POFUT1: variants seen among roughly 807,000 people sequenced by gnomAD.
The protein encoded by POFUT1 is protein O-fucosyltransferase 1.
Under a neutral mutation model 42.4 loss-of-function variants are expected in POFUT1, and 16 were observed. The observed-to-expected ratio is 0.38, with a 90% CI of 0.26 to 0.57. POFUT1 has a LOEUF of 0.57. Ranked by LOEUF, POFUT1 falls within the 20% of genes least tolerant of loss-of-function variation. The pLI is 0.71. For synonymous variants in POFUT1, 206 were observed against 205.4 expected, an observed-to-expected ratio of 1.00 and a Z score of -0.03; for missense variants, 470 against 504.6, an observed-to-expected ratio of 0.93 and a Z score of 0.66.
At chr20:32,219,323 G>A (rs1471948564) in intron 4 of POFUT1, among the ~76,000 whole-genome samples, 1 of 152,156 alleles carries the variant, frequency 6.6e-6, no homozygotes, top group Non-Finnish European at 1.5e-5. Context: ...TTGTGTCAGA[G>A]TTAGAGGAAA....
intron 5 of POFUT1, among the ~76,000 whole-genome samples, chr20:32,229,844 A>G (rs1279727908): frequency 4.0e-5 from 6 of 150,730 alleles, no homozygotes; most frequent in Admixed American, 1.3e-4. Context: ...GCAAAATCAC[A>G]GTTCACCGCA....
In POFUT1 at chr20:32,228,470, CCT is replaced by C. The variant is rs781440448; in HGVS notation, c.735+21_735+22del. ...GCTCTGACTGGGTAACTTCCCCCTT[CCT>C]CTCTCACTGGCTAACTTGGATGTGT... On this transcript the variant is annotated intron_variant, in intron 5 of 6. Transcript: ENST00000375749. 20 of 1,610,204 alleles carry C rather than the reference CCT, an allele frequency of 1.2e-5. No homozygotes were observed. The East Asian group carries it at 2.7e-4, about 22-fold the overall frequency.
chr20:32,216,718 A>G lies in POFUT1; in HGVS notation c.539A>G (p.Gln180Arg), dbSNP rs1476885655. The change falls in exon 4 of 7, where the codon CAG becomes CGG. Residue 180 changes from glutamine (Q) to arginine (R), a missense_variant. Coordinates refer to ENST00000375749, the MANE Select transcript of POFUT1 (RefSeq NM_015352.2). ...GCTTCCTACAGAGAACAATGGAGCC[A>G]GAGGTACTTGGAGGGGGTAGCGTTT... ...FSASYREQWS[Q>R]RFSPKEHPVL... The G allele has an allele frequency of 6.2e-7, 1 of 1,604,230 alleles. No homozygotes were observed. Among genetic ancestry groups the G allele is most frequent in the African/African-American group, 1.3e-5 (1 of 74,724 alleles).
In POFUT1 at chr20:32,222,611, A is replaced by G. The variant is rs185571895; in HGVS notation, c.543-5652A>G. 5.3e-4 allele frequency: 521 copies of G among 985,392 alleles called. 1 individual carries two copies. The highest frequency in any genetic ancestry group is 2.0e-3 in the South Asian group (43 of 21,280). The allele number at this position is 985,392 out of a possible 1,614,324, so 61.0% of individuals were successfully genotyped here. ...ACCTCGCCCGGGGTATGTTTGGCTGATAAGAAGTGTCTTTATTTTAGGCTG... is the reference window on the plus strand; with the variant it reads ...ACCTCGCCCGGGGTATGTTTGGCTGGTAAGAAGTGTCTTTATTTTAGGCTG... On this transcript the variant is annotated intron_variant, in intron 4 of 6. Transcript: ENST00000375749.
At chr20:32,213,405 G>A (rs1362199920) in intron 2 of POFUT1, among the ~76,000 whole-genome samples, 1 of 150,368 alleles carries the variant, frequency 6.7e-6, no homozygotes, top group Admixed American at 6.6e-5. Flanking sequence ...GCAGTGAGCC[G>A]AGATCGCGCC....
intron 4 of POFUT1, chr20:32,217,589 G>A: frequency 1.9e-5 from 19 of 986,184 alleles, no homozygotes; most frequent in Non-Finnish European, 2.2e-5. Context: ...TCCAGCCCAG[G>A]TTACAGAGCA....
At position 32,237,740 on chromosome 20, in the gene POFUT1, GAGAA is replaced by G. The variant is rs2047479128; in HGVS notation, c.*3082_*3085del. Reference sequence around the variant, plus strand: ...TGGCCAGTGCTGAGGAGGTTGGAGAGAGAAAGGGTGAAAGCAGAGAGACCAGTGC... The same window carrying G: ...TGGCCAGTGCTGAGGAGGTTGGAGAGAGGGTGAAAGCAGAGAGACCAGTGC... On this transcript the variant is annotated 3_prime_UTR_variant, in exon 7 of 7. Transcript: ENST00000375749. 1 of 533,264 alleles carries G rather than the reference GAGAA, an allele frequency of 1.9e-6. No homozygotes were observed. The highest frequency in any genetic ancestry group is 1.9e-5 in the African/African-American group (1 of 51,924). The allele number at this position is 533,264 out of a possible 1,614,324, so 33.0% of individuals were successfully genotyped here. A position where few individuals can be genotyped will look rare whatever the true frequency, so the allele number is the denominator to read the frequency against.
intron 4 of POFUT1, 50 bp downstream of exon 4, chr20:32,216,771 C>A (rs1235608039): frequency 1.4e-6 from 2 of 1,408,656 alleles, no homozygotes; most frequent in African/African-American, 2.8e-5. Flanking sequence ...GCATGGAGCT[C>A]ATGAGCATTC....
chr20:32,234,640 T>TA lies in POFUT1; in HGVS notation c.1148dup (p.Leu384AlafsTer106). 4 of 1,611,100 alleles carry TA rather than the reference T, an allele frequency of 2.5e-6. No individual in the cohort carries two copies. The highest frequency in any genetic ancestry group is 3.4e-6 in the Non-Finnish European group (4 of 1,178,338). ...CTTTCTTCGGCATGGACAGGCCCCCTAAGCTGCGGGACGAGTTCTGATTCT... is the reference window on the plus strand; with the variant it reads ...CTTTCTTCGGCATGGACAGGCCCCCTAAAGCTGCGGGACGAGTTCTGATTCT... On this transcript the variant is annotated frameshift_variant, in exon 7 of 7. Transcript: ENST00000375749. LOFTEE classifies it high-confidence loss of function.
chr20:32,230,972 T>A lies in POFUT1; in HGVS notation c.889T>A (p.Trp297Arg), dbSNP rs1280351316. Residue 297 changes from tryptophan to arginine, a missense_variant, in exon 6 of 7, where the codon TGG (tryptophan) becomes AGG (arginine). Physicochemically the swap from Trp to Arg is moderately radical, Grantham distance 101. Transcript: ENST00000375749. Reference protein sequence around the residue: ...LKEIQRAVKLWVRSLDAQSVY... With the variant: ...LKEIQRAVKLRVRSLDAQSVY... The stretch of plus-strand genomic sequence containing the variant: ...GGAGATCCAGAGGGCTGTGAAGCTC[T>A]GGGTGAGGTCGCTGGATGCCCAGTC... The A allele has an allele frequency of 3.7e-6, 6 of 1,614,090 alleles. No individual in the cohort carries two copies. Among genetic ancestry groups the A allele is most frequent in the Non-Finnish European group, 5.1e-6 (6 of 1,180,032 alleles).
rs1219548530 is a variant in POFUT1 at position 32,228,400 on chromosome 20, A to G, written c.680A>G (p.His227Arg). 6.2e-7 allele frequency: 1 copy of G among 1,614,056 alleles called. No individual in the cohort carries two copies. Among genetic ancestry groups the G allele is most frequent in the East Asian group, 2.2e-5 (1 of 44,892 alleles). Residue 227 changes from histidine (H) to arginine (R), a missense_variant, in exon 5 of 7, where the codon CAT (histidine) becomes CGT (arginine). By Grantham distance (29) the His-to-Arg change is conservative. Transcript: ENST00000375749. ...EMVKTGEAQI[H>R]AHLVRPYVGI... Reference sequence around the variant, plus strand: ...GTGAAGACGGGAGAGGCCCAGATTCATGCCCACCTTGTCCGGCCCTATGTG... The same window carrying G: ...GTGAAGACGGGAGAGGCCCAGATTCGTGCCCACCTTGTCCGGCCCTATGTG...
Position 32,208,026 on chromosome 20 carries a change from T to G in POFUT1, c.85T>G (p.Trp29Gly). Residue 29 changes from tryptophan (W) to glycine (G), a missense_variant, in exon 1 of 7, where the codon TGG (tryptophan) becomes GGG (glycine). Trp to Gly is a radical substitution (Grantham distance 184). Transcript: ENST00000375749. ...GCTCCCGGGGATGCCTGCGGGCTCC[T>G]GGGACCCGGCCGGTTACCTGCTCTA... ...LPLPGMPAGSWDPAGYLLYCP... is the reference protein window; with the variant it reads ...LPLPGMPAGSGDPAGYLLYCP... The G allele has an allele frequency of 6.3e-7, 1 of 1,575,524 alleles. No homozygotes were observed. Among genetic ancestry groups the G allele is most frequent in the South Asian group, 1.1e-5 (1 of 87,032 alleles).
intron 2 of POFUT1, among the ~76,000 whole-genome samples, chr20:32,211,105 A>G (rs1194660290): frequency 1.3e-5 from 2 of 152,112 alleles, no homozygotes; most frequent in Non-Finnish European, 2.9e-5. Flanking sequence ...ATAAGCTGGT[A>G]ATGATTCTTG....
intron 2 of POFUT1, among the ~76,000 whole-genome samples, chr20:32,210,649 T>A (rs2047322804): frequency 6.6e-6 from 1 of 152,200 alleles, no homozygotes; most frequent in African/African-American, 2.4e-5. Context: ...GGTTATTTAA[T>A]GACATGTCCA....
At chr20:32,215,974 T>A (rs1027600146) in intron 3 of POFUT1, among the ~76,000 whole-genome samples, 2 of 152,216 alleles carry the variant, frequency 1.3e-5, no homozygotes, top group Non-Finnish European at 1.5e-5. Context: ...CAACCTTAGG[T>A]AATTTGGCAC....
intron 4 of POFUT1, among the ~76,000 whole-genome samples, chr20:32,220,879 G>A (rs1228155836): frequency 6.6e-6 from 1 of 152,028 alleles, no homozygotes; most frequent in Non-Finnish European, 1.5e-5. Flanking sequence ...ATGTGGCTTG[G>A]GCTTCTTACA....
intron 4 of POFUT1, among the ~76,000 whole-genome samples, chr20:32,220,805 A>C (rs2047387556): frequency 6.6e-6 from 1 of 151,628 alleles, no homozygotes. Flanking sequence ...CTGGTGGGTG[A>C]TGCTGCTGTC....
intron 2 of POFUT1, among the ~76,000 whole-genome samples, chr20:32,212,400 G>T (rs180706293): frequency 1.1e-4 from 17 of 151,662 alleles, no homozygotes. Flanking sequence ...CAAGTAGCTG[G>T]GATTACAGGC....
intron 4 of POFUT1, among the ~76,000 whole-genome samples, chr20:32,219,290 C>T (rs574560516): frequency 2.0e-5 from 3 of 151,898 alleles, no homozygotes; most frequent in African/African-American, 7.2e-5. Flanking sequence ...AGGGCTAAGA[C>T]CAGAAGGATG....
Sources: allele counts gnomAD v4.1 joint callset (sites outside exome capture counted in the v4.1 genomes callset), GRCh38; gene constraint gnomAD v4.1.1; transcripts MANE v1.5; gene names NCBI Gene and HGNC (gene_info 2026-07-23, HGNC 2026-07-21).